Variants in UNC5D observed in about 807,000 individuals in gnomAD.
UNC5D encodes unc-5 netrin receptor D.
In UNC5D, 39 loss-of-function variants were observed where a neutral mutation model predicts 105.4. The ratio of observed to expected loss-of-function variants is 0.37; its 90% CI spans 0.29 to 0.48. The LOEUF is 0.48. Among genes scored for constraint, UNC5D ranks in the 20% least tolerant of loss-of-function variants. UNC5D has a pLI of 0.98. For missense variants in UNC5D, 991 were observed against 1,202.4 expected (o/e 0.82, Z 2.60); for synonymous variants, 452 against 450.4 (o/e 1.00, Z -0.04).
At chr8:35,242,758 C>A (rs1802877362) in intron 1 of UNC5D, among the ~76,000 whole-genome samples, 1 of 152,110 alleles carries the variant, frequency 6.6e-6, no homozygotes, top group Non-Finnish European at 1.5e-5. Flanking sequence ...CAAGCATGAG[C>A]CACCGTGCCT....
intron 1 of UNC5D, among the ~76,000 whole-genome samples, chr8:35,514,355 G>A (rs979071883): frequency 1.3e-5 from 2 of 152,122 alleles, no homozygotes; most frequent in Non-Finnish European, 2.9e-5. Flanking sequence ...AGCAAATGAG[G>A]GCTTTTGAGA....
intron 1 of UNC5D, among the ~76,000 whole-genome samples, chr8:35,263,384 A>C (rs1405253739): frequency 6.6e-6 from 1 of 152,256 alleles, no homozygotes; most frequent in East Asian, 1.9e-4. Flanking sequence ...ATACTTAATA[A>C]ATTGTTATTT....
intron 4 of UNC5D, among the ~76,000 whole-genome samples, chr8:35,628,625 T>C (rs1251891662): frequency 6.6e-6 from 1 of 152,220 alleles, no homozygotes; most frequent in Non-Finnish European, 1.5e-5. Context: ...TAGTCTGAAA[T>C]GAATGTTTTC....
At chr8:35,292,785 C>T (rs570977269) in intron 1 of UNC5D, among the ~76,000 whole-genome samples, 21 of 139,852 alleles carry the variant, frequency 1.5e-4, no homozygotes, top group Middle Eastern at 4.7e-3. Flanking sequence ...GGTGCAATCT[C>T]GGCTCACTAC....
chr8:35,346,212 G>A (rs1184209525), intron 1 of UNC5D, among the ~76,000 whole-genome samples: 3 of 152,022 alleles, frequency 2.0e-5, no homozygotes, highest in Non-Finnish European at 4.4e-5. Context: ...GACTGAGGAA[G>A]TCTGTGGAAA....
chr8:35,540,756 A>G (rs146699625), intron 1 of UNC5D, among the ~76,000 whole-genome samples: 11 of 152,314 alleles, frequency 7.2e-5, no homozygotes, highest in Non-Finnish European at 1.5e-4. Flanking sequence ...AGTTTTGGAG[A>G]CAACTTAAGT....
At chr8:35,641,366 C>CAAAAAAAAAAAAAAAAAAAAAAA (rs377021599) in intron 4 of UNC5D, among the ~76,000 whole-genome samples, 1,243 of 43,412 alleles carry the variant, frequency 0.029, 2 homozygotes, top group Middle Eastern at 0.16. Context: ...AAAAATAAAG[C>CAAAAAAAAAAAAAAAAAAAAAAA]AAAAAAAAAA....
chr8:35,442,554 A>C (rs1807476662), intron 1 of UNC5D, among the ~76,000 whole-genome samples: 1 of 151,912 alleles, frequency 6.6e-6, no homozygotes, highest in Non-Finnish European at 1.5e-5. Flanking sequence ...TAAAAAACAA[A>C]GCTCAAGTCC....
At chr8:35,391,107 G>A (rs1192337814) in intron 1 of UNC5D, among the ~76,000 whole-genome samples, 4 of 152,240 alleles carry the variant, frequency 2.6e-5, no homozygotes, top group Admixed American at 2.6e-4. Context: ...GTTATATGCT[G>A]TAGGCATAGG....
intron 11 of UNC5D, among the ~76,000 whole-genome samples, chr8:35,731,929 AC>A (rs1366448926): frequency 1.3e-5 from 2 of 152,212 alleles, no homozygotes; most frequent in African/African-American, 2.4e-5. Flanking sequence ...AGGAACAAAT[AC>A]AAATCTTGTC....
At chr8:35,612,357 TG>T (rs913477715) in intron 4 of UNC5D, among the ~76,000 whole-genome samples, 143 of 152,194 alleles carry the variant, frequency 9.4e-4, no homozygotes, top group African/African-American at 3.1e-3. Flanking sequence ...ATTTTTTGTA[TG>T]ATAAAGTATG....
intron 7 of UNC5D, among the ~76,000 whole-genome samples, chr8:35,689,771 G>A (rs768835739): frequency 1.4e-4 from 21 of 152,100 alleles, no homozygotes; most frequent in Admixed American, 6.5e-5. Context: ...ATGGAGGGCC[G>A]TCTGCTTTTT....
At chr8:35,374,527 A>G (rs1563355841) in intron 1 of UNC5D, among the ~76,000 whole-genome samples, 1 of 152,216 alleles carries the variant, frequency 6.6e-6, no homozygotes, top group Non-Finnish European at 1.5e-5. Flanking sequence ...CACAGGAATG[A>G]GACTAGACCA....
At chr8:35,354,363 A>T (rs966165956) in intron 1 of UNC5D, among the ~76,000 whole-genome samples, 1 of 152,134 alleles carries the variant, frequency 6.6e-6, no homozygotes, top group Non-Finnish European at 1.5e-5. Context: ...GAGAATTTTT[A>T]TGAGTTTATG....
chr8:35,384,362 G>T (rs550981906), intron 1 of UNC5D, among the ~76,000 whole-genome samples: 2 of 152,154 alleles, frequency 1.3e-5, no homozygotes, highest in Non-Finnish European at 2.9e-5. Context: ...CACATGGTAC[G>T]TACTATAAAT....
At chr8:35,440,672 C>T (rs931607704) in intron 1 of UNC5D, among the ~76,000 whole-genome samples, 1 of 151,918 alleles carries the variant, frequency 6.6e-6, no homozygotes, top group African/African-American at 2.4e-5. Flanking sequence ...GCTACCCTTG[C>T]TCTTTATTTT....
intron 1 of UNC5D, among the ~76,000 whole-genome samples, chr8:35,370,336 C>G (rs1802360064): frequency 1.3e-5 from 2 of 152,148 alleles, no homozygotes; most frequent in Non-Finnish European, 2.9e-5. Context: ...TGGATTTGAA[C>G]CACAGTTGGA....
chr8:35,413,292 T>TGTGTGTGTGTGTGTTG (rs56157732), intron 1 of UNC5D, among the ~76,000 whole-genome samples: 60 of 128,038 alleles, frequency 4.7e-4, no homozygotes, highest in African/African-American at 1.3e-3. Flanking sequence ...TGTGTGTGTG[T>TGTGTGTGTGTGTGTTG]TGTGTGTGTG....
chr8:35,558,119 T>G (rs1379122431), intron 2 of UNC5D, among the ~76,000 whole-genome samples: 1 of 126,260 alleles, frequency 7.9e-6, no homozygotes, highest in African/African-American at 3.6e-5. Context: ...AGAGTGAAAC[T>G]TCGTCTCAAA....
Sources: gnomAD v4.1 joint callset for allele counts (sites outside exome capture counted in the v4.1 genomes callset) on GRCh38, gnomAD v4.1.1 for gene constraint, MANE v1.5 for transcripts, NCBI Gene and HGNC (gene_info 2026-07-23, HGNC 2026-07-21) for gene names.